Variants in DNAAF10 observed in about 807,000 individuals in gnomAD.
The protein encoded by DNAAF10 is dynein axonemal assembly factor 10.
In DNAAF10, 28 loss-of-function variants were observed where a neutral mutation model predicts 43.7. The observed-to-expected ratio is 0.64, with a 90% CI of 0.48 to 0.88. DNAAF10 has a LOEUF of 0.88. Ranked by LOEUF, DNAAF10 falls within the 40% of genes least tolerant of loss-of-function variation. The pLI is 0.00. For synonymous variants in DNAAF10, 156 were observed against 157.3 expected (o/e 0.99, Z 0.06); for missense variants, 403 against 439.1 (o/e 0.92, Z 0.73).
intron 7 of DNAAF10, chr2:68,134,434 A>C: frequency 1.6e-6 from 2 of 1,228,480 alleles, no homozygotes; most frequent in South Asian, 1.9e-5. Flanking sequence ...ATCTGATAAA[A>C]GTCTTGGGCC....
rs768390641 is a variant in DNAAF10, at chr2:68,157,272, G to C, written c.172C>G (p.Leu58Val). ...GACCCGGCACCCACCTCCCGAAGCAGCTTCAGGTCCCCGTGCTGGATCTCG... is the reference window on the plus strand; with the variant it reads ...GACCCGGCACCCACCTCCCGAAGCACCTTCAGGTCCCCGTGCTGGATCTCG... ...LYEIQHGDLK[L>V]LREIEKAKPI... is the part of the protein sequence containing the mutation. The change falls in exon 1 of 8, where the codon CTG (leucine) becomes GTG (valine). Residue 58 changes from leucine (L) to valine (V), a missense_variant. Coordinates refer to ENST00000295121, the MANE Select transcript of DNAAF10 (RefSeq NM_138458.4). The C allele has an allele frequency of 1.3e-5, 21 of 1,613,474 alleles. No homozygotes were observed. The East Asian group carries it at 4.5e-4, about 34-fold the overall frequency.
chr2:68,153,035 C>T (rs1203779388), intron 1 of DNAAF10, among the ~76,000 whole-genome samples: 1 of 151,974 alleles, frequency 6.6e-6, no homozygotes, highest in Non-Finnish European at 1.5e-5. Flanking sequence ...CAGGGCCATC[C>T]CTAGTCCATA....
rs747902677 is a variant in DNAAF10 at position 68,131,359 on chromosome 2, G to A, written c.953C>T (p.Thr318Met). 1.3e-5 allele frequency: 21 copies of A among 1,614,018 alleles called. No individual in the cohort carries two copies. Among genetic ancestry groups the A allele is most frequent in the South Asian group, 8.8e-5 (8 of 91,090 alleles). The change falls in exon 8 of 8, where the codon ACG becomes ATG. Residue 318 changes from threonine (T) to methionine (M), a missense_variant. Transcript: ENST00000295121. Reference sequence around the variant, plus strand: ...ACTTGAAATGGGCTGGGTGGACAACGTAACATTCTGCAGAAGGCTTACAGA... The same window carrying A: ...ACTTGAAATGGGCTGGGTGGACAACATAACATTCTGCAGAAGGCTTACAGA... ...AGSVSLLQNVTLSTQPISSLD... is the reference protein window; with the variant it reads ...AGSVSLLQNVMLSTQPISSLD...
intron 5 of DNAAF10, 47 bp from the exon 6 acceptor site, chr2:68,137,480 C>G: frequency 6.5e-7 from 1 of 1,542,636 alleles, no homozygotes; most frequent in Non-Finnish European, 8.7e-7. Context: ...CAGTATTACT[C>G]AGGAGGCTCT....
intron 1 of DNAAF10, 72 bp downstream of exon 1, chr2:68,157,189 C>T: frequency 6.5e-7 from 1 of 1,528,826 alleles, no homozygotes; most frequent in Non-Finnish European, 8.8e-7. Context: ...AAGGCTCTGG[C>T]AAAGAGGAAT....
intron 1 of DNAAF10, among the ~76,000 whole-genome samples, chr2:68,153,692 A>G (rs929887183): frequency 6.6e-6 from 1 of 151,638 alleles, no homozygotes; most frequent in South Asian, 2.1e-4. Context: ...CCAGTATTTA[A>G]CCTATATTTA....
In DNAAF10 at chr2:68,157,295, T is replaced by A; in HGVS notation, c.149A>T (p.Glu50Val). 6.2e-7 allele frequency: 1 copy of A among 1,614,068 alleles called. No homozygotes were observed. Among genetic ancestry groups the A allele is most frequent in the Non-Finnish European group, 8.5e-7 (1 of 1,179,992 alleles). The change falls in exon 1 of 8, where the codon GAG becomes GTG. Residue 50 changes from glutamate (E) to valine (V), a missense_variant. Coordinates refer to ENST00000295121, the MANE Select transcript of DNAAF10 (RefSeq NM_138458.4). ...CAGCTTCAGGTCCCCGTGCTGGATC[T>A]CGTACAGCTGAATGACGCCGGTGCC... ...ARGTGVIQLY[E>V]IQHGDLKLLR...
rs749244155 is a variant in DNAAF10, at chr2:68,137,396, A to G, written c.671T>C (p.Met224Thr). ...SLEFDRKDISMNKLVATSLEG... is the reference protein window; with the variant it reads ...SLEFDRKDISTNKLVATSLEG... ...CAGAGATGTGGCTACTAACTTATTC[A>G]TACTTATGTCTTTTCTGTCAAACTC... is the stretch of plus-strand genomic sequence containing the variant. The change falls in exon 6 of 8, where the codon ATG becomes ACG. Residue 224 changes from methionine to threonine, a missense_variant. By Grantham distance (81) the Met-to-Thr change is moderately conservative. Coordinates refer to ENST00000295121, the MANE Select transcript of DNAAF10 (RefSeq NM_138458.4). 8 of 1,612,990 alleles carry G rather than the reference A, an allele frequency of 5.0e-6. No homozygotes were observed. The African/African-American group carries it at 1.1e-4, about 22-fold the overall frequency.
intron 2 of DNAAF10, 145 bp from the exon 3 acceptor site, chr2:68,144,860 C>T (rs1673278163): frequency 1.8e-6 from 2 of 1,142,734 alleles, no homozygotes; most frequent in Admixed American, 3.4e-5. Flanking sequence ...TTTATTTACA[C>T]TTCTGAAATT....
chr2:68,133,974 T>G (rs1672977784), intron 7 of DNAAF10: 2 of 246,844 alleles, frequency 8.1e-6, no homozygotes, highest in African/African-American at 4.6e-5. Flanking sequence ...GAAATATCCT[T>G]CATTTATGGG....
intron 1 of DNAAF10, among the ~76,000 whole-genome samples, chr2:68,153,421 C>A (rs1315662489): frequency 3.4e-5 from 5 of 148,006 alleles, no homozygotes; most frequent in African/African-American, 1.2e-4. Flanking sequence ...TACGATGATA[C>A]ATCAAGTCTG....
intron 1 of DNAAF10, among the ~76,000 whole-genome samples, chr2:68,153,445 TAATA>T (rs2103639562): frequency 6.6e-6 from 1 of 152,118 alleles, no homozygotes; most frequent in Non-Finnish European, 1.5e-5. Context: ...CCTAATATTT[TAATA>T]AATGACCCAT....
Position 68,131,423 on chromosome 2 carries a change from T to C in DNAAF10, c.889A>G (p.Lys297Glu), listed in dbSNP as rs764810689. 4.3e-6 allele frequency: 7 copies of C among 1,614,162 alleles called. No homozygotes were observed. The highest frequency in any genetic ancestry group is 2.2e-5 in the East Asian group (1 of 44,874). ...ATTTCTATTCCCTCAGAATCTTTCT[T>C]TGACCGCTGAATAGGGTATTCACTG... ...WKYEYPIQRSKKDSEGIEMGV... is the reference protein window; with the variant it reads ...WKYEYPIQRSEKDSEGIEMGV... Residue 297 changes from lysine to glutamate, a missense_variant, in exon 8 of 8, where the codon AAG becomes GAG. Physicochemically the swap from Lys to Glu is moderately conservative, Grantham distance 56 (BLOSUM62 1). Transcript: ENST00000295121.
intron 2 of DNAAF10, among the ~76,000 whole-genome samples, chr2:68,145,908 T>C (rs1019833828): frequency 1.1e-4 from 17 of 152,236 alleles, no homozygotes; most frequent in Non-Finnish European, 2.4e-4. Context: ...AATGTGACTA[T>C]ACATGAAATA....
chr2:68,156,370 T>C (rs1673612179), intron 1 of DNAAF10, among the ~76,000 whole-genome samples: 1 of 152,192 alleles, frequency 6.6e-6, no homozygotes, highest in South Asian at 2.1e-4. Context: ...TACCCTGCAC[T>C]TGTAGTCTAT....
At chr2:68,143,532 A>G (rs1245425756) in intron 3 of DNAAF10, among the ~76,000 whole-genome samples, 1 of 152,190 alleles carries the variant, frequency 6.6e-6, no homozygotes, top group Non-Finnish European at 1.5e-5. Context: ...AGTTACACAT[A>G]TGACAATACT....
At chr2:68,139,210 G>A (rs192343806) in intron 4 of DNAAF10, among the ~76,000 whole-genome samples, 78 of 152,142 alleles carry the variant, frequency 5.1e-4, no homozygotes, top group African/African-American at 1.4e-3. Flanking sequence ...ATGAGTTTTC[G>A]CTCTTCTAGT....
At chr2:68,131,850 G>A (rs1672936479) in intron 7 of DNAAF10, 1 of 193,828 alleles carries the variant, frequency 5.2e-6, no homozygotes, top group South Asian at 8.8e-5. Context: ...AAAGGCAATG[G>A]CTGTAAGTAA....
intron 7 of DNAAF10, 85 bp downstream of exon 7, chr2:68,134,617 A>C (rs1672993393): frequency 1.3e-6 from 2 of 1,563,612 alleles, no homozygotes; most frequent in Non-Finnish European, 1.7e-6. Flanking sequence ...TCAAAGCAGG[A>C]AAAAAAAGAA....
Sources: allele counts gnomAD v4.1 joint callset (sites outside exome capture counted in the v4.1 genomes callset), GRCh38; gene constraint gnomAD v4.1.1; transcripts MANE v1.5; gene names NCBI Gene and HGNC (gene_info 2026-07-23, HGNC 2026-07-21).